SEMA7A: variants seen among roughly 807,000 people sequenced by gnomAD.
The protein encoded by SEMA7A is semaphorin-7A.
A neutral mutation model predicts 67.5 loss-of-function variants in SEMA7A; 21 were observed. The observed-to-expected ratio is 0.31, with a 90% CI of 0.22 to 0.45. The LOEUF (loss-of-function observed/expected upper bound fraction) is 0.45. SEMA7A is among the 20% of genes least tolerant of loss of function. The pLI, the probability that SEMA7A is intolerant of heterozygous loss-of-function variation, is 1.00. For synonymous variants in SEMA7A, 364 were observed against 368.5 expected (o/e 0.99, Z 0.14); for missense variants, 774 against 908.6 (o/e 0.85, Z 1.90).
chr15:74,433,593 A>C (rs1156828611), intron 1 of SEMA7A, 148 bp downstream of exon 1: 1 of 1,262,792 alleles, frequency 7.9e-7, no homozygotes, highest in Non-Finnish European at 9.9e-7. Flanking sequence ...CACTCACCCA[A>C]ACCCACACGC....
chr15:74,415,653 A>T, intron 8 of SEMA7A, 148 bp downstream of exon 8: 1 of 756,078 alleles, frequency 1.3e-6, no homozygotes, highest in Non-Finnish European at 2.1e-6. Flanking sequence ...CTGTCCCCCC[A>T]CCCCACACCC....
chr15:74,418,397 A>C, intron 2 of SEMA7A, 88 bp from the exon 3 acceptor site: 3 of 1,294,502 alleles, frequency 2.3e-6, no homozygotes, highest in Non-Finnish European at 3.3e-6. Context: ...ATAAGCCCCA[A>C]AGGAAGCAAC....
chr15:74,418,769 A>AG (rs762471830), intron 2 of SEMA7A, 32 bp downstream of exon 2: 16 of 1,600,146 alleles, frequency 1.0e-5, no homozygotes, highest in African/African-American at 4.0e-5. Context: ...ATAAGAGGGT[A>AG]GGGGGGGTGT....
At position 74,411,545 on chromosome 15, in the gene SEMA7A, G is replaced by A. The variant is rs55905143; in HGVS notation, c.1577+11C>T. ...CCTTCTCCCAGGGACGAGGGATCCC[G>A]GCCAACGTACCGTTCGGAGCTGTAG... On this transcript the variant is annotated intron_variant, in intron 12 of 13. Transcript: ENST00000261918. The surrounding 1 kb of genome is among the most constrained non-coding windows in gnomAD (Gnocchi z 4.4). 4.3e-5 allele frequency: 66 copies of A among 1,547,944 alleles called. No individual in the cohort carries two copies. Among genetic ancestry groups the A allele is most frequent in the Non-Finnish European group, 4.8e-5 (55 of 1,145,308 alleles).
In SEMA7A at chr15:74,411,468, C is replaced by T; in HGVS notation, c.1577+88G>A. 6.5e-7 allele frequency: 1 copy of T among 1,544,516 alleles called. No homozygotes were observed. Among genetic ancestry groups the T allele is most frequent in the South Asian group, 1.3e-5 (1 of 79,628 alleles). On this transcript the variant is annotated intron_variant, in intron 12 of 13. Coordinates refer to ENST00000261918, the MANE Select transcript of SEMA7A (RefSeq NM_003612.5). This position sits in a 1 kb window ranked among gnomAD's most constrained non-coding sequence, Gnocchi z 4.4. ...AGAGGAGGGTCCCACAAGAAAGGCC[C>T]AGTACCGCCACCTCCTCCAGCCCGA...
At chr15:74,424,532 G>A (rs1038270861) in intron 1 of SEMA7A, among the ~76,000 whole-genome samples, 1 of 152,176 alleles carries the variant, frequency 6.6e-6, no homozygotes, top group Non-Finnish European at 1.5e-5. Context: ...TTACAAACAG[G>A]AAAACTAATG....
At chr15:74,432,185 C>G (rs1355876053) in intron 1 of SEMA7A, among the ~76,000 whole-genome samples, 6 of 152,050 alleles carry the variant, frequency 3.9e-5, no homozygotes, top group African/African-American at 1.5e-4. Flanking sequence ...CCAGAACACT[C>G]AGATGTGGCC....
chr15:74,426,090 T>G (rs2061041522), intron 1 of SEMA7A, among the ~76,000 whole-genome samples: 1 of 152,096 alleles, frequency 6.6e-6, no homozygotes, highest in African/African-American at 2.4e-5. Flanking sequence ...CTGGCCAACA[T>G]GGTGAAACCC....
At chr15:74,431,914 C>T (rs1420887373) in intron 1 of SEMA7A, among the ~76,000 whole-genome samples, 1 of 152,218 alleles carries the variant, frequency 6.6e-6, no homozygotes, top group Admixed American at 6.5e-5. Context: ...GCAGAGGGCA[C>T]AGCCAGTGTG....
In SEMA7A at chr15:74,415,493, G is replaced by A. The variant is rs571739226; in HGVS notation, c.986+308C>T. Among the ~76,000 whole-genome samples, 302 of 152,308 alleles carry A rather than the reference G, an allele frequency of 2.0e-3. 1 individual carries two copies. The highest frequency in any genetic ancestry group is 7.0e-3 in the African/African-American group (289 of 41,570). On this transcript the variant is annotated intron_variant, in intron 8 of 13. Coordinates refer to ENST00000261918, the MANE Select transcript of SEMA7A (RefSeq NM_003612.5). ...ACCCAGCTCCCCGAGAGATGCTTCAGCAGCTTCCTCCTGGGCCCAGTGTCC... is the reference window on the plus strand; with the variant it reads ...ACCCAGCTCCCCGAGAGATGCTTCAACAGCTTCCTCCTGGGCCCAGTGTCC...
chr15:74,417,982 G>A lies in SEMA7A; in HGVS notation c.373-13C>T. On this transcript the variant is annotated splice_polypyrimidine_tract_variant and intron_variant, in intron 3 of 13. Transcript: ENST00000261918. ...AGTTCTCGCAGTCCTGCCCGGGGAAGAGAGAAGGGAGGAGAGAAATTGGTT... is the reference window on the plus strand; with the variant it reads ...AGTTCTCGCAGTCCTGCCCGGGGAAAAGAGAAGGGAGGAGAGAAATTGGTT... 1 of 1,611,922 alleles carries A rather than the reference G, an allele frequency of 6.2e-7. No individual in the cohort carries two copies. Among genetic ancestry groups the A allele is most frequent in the Non-Finnish European group, 8.5e-7 (1 of 1,179,528 alleles).
In SEMA7A at chr15:74,410,680, C is replaced by T. The variant is rs757652732; in HGVS notation, c.1945G>A (p.Ala649Thr). 4.4e-5 allele frequency: 70 copies of T among 1,609,110 alleles called. No individual in the cohort carries two copies. The Admixed American group carries it at 6.2e-4, about 14-fold the overall frequency. The change falls in exon 14 of 14, where the codon GCC becomes ACC. Residue 649 changes from alanine to threonine, a missense_variant. Ala to Thr is a moderately conservative substitution (Grantham distance 58, BLOSUM62 0). Transcript: ENST00000261918. This position sits in a 1 kb window ranked among gnomAD's most constrained non-coding sequence, Gnocchi z 7.5. ...GGCAGCACCCCCAGCCAGAGGGAGG[C>T]GGCCAGGGCACAGGCATGACCCAGC... ...HLLGHACALA[A>T]SLWLGVLPTL... is the part of the protein sequence containing the mutation.
In SEMA7A at chr15:74,415,759, T is replaced by C. The variant is rs1271711992; in HGVS notation, c.986+42A>G. The C allele has an allele frequency of 2.6e-6, 4 of 1,567,046 alleles. No homozygotes were observed. The Admixed American group carries it at 7.5e-5, about 29-fold the overall frequency. On this transcript the variant is annotated intron_variant, in intron 8 of 13. Coordinates refer to ENST00000261918, the MANE Select transcript of SEMA7A (RefSeq NM_003612.5). ...AAGGCCTCCTGTCCCTACTGGACACTGAACCAATGCCAGCCCCGGCCCCAG... is the reference window on the plus strand; with the variant it reads ...AAGGCCTCCTGTCCCTACTGGACACCGAACCAATGCCAGCCCCGGCCCCAG...
chr15:74,419,098 C>A (rs1330352615), intron 1 of SEMA7A, 146 bp from the exon 2 acceptor site: 7 of 911,834 alleles, frequency 7.7e-6, no homozygotes, highest in East Asian at 2.6e-5. Context: ...GGGGTGGTAC[C>A]CAGACTCAGA....
At chr15:74,433,223 G>GCGGGGA (rs1359557024) in intron 1 of SEMA7A, among the ~76,000 whole-genome samples, 1 of 151,218 alleles carries the variant, frequency 6.6e-6, no homozygotes, top group East Asian at 2.0e-4. Context: ...CGGGGCGGGG[G>GCGGGGA]CGGGGGCAGG....
rs1268979903 is a variant in SEMA7A, at chr15:74,414,380, C to A, written c.1294+167G>T. ...GCCCCTACCTCCTCCAGGAAGCTCTCCCTGCCTGACTCTTCCACACCCACA... is the reference window on the plus strand; with the variant it reads ...GCCCCTACCTCCTCCAGGAAGCTCTACCTGCCTGACTCTTCCACACCCACA... On this transcript the variant is annotated intron_variant, in intron 10 of 13. Transcript: ENST00000261918. The surrounding 1 kb of genome is among the most constrained non-coding windows in gnomAD (Gnocchi z 4.1). Among the ~76,000 whole-genome samples, 1 of 152,234 alleles carries A rather than the reference C, an allele frequency of 6.6e-6. No homozygotes were observed. The highest frequency in any genetic ancestry group is 1.9e-4 in the East Asian group (1 of 5,198).
At chr15:74,412,273 G>A (rs539593419) in intron 10 of SEMA7A, among the ~76,000 whole-genome samples, 67 of 152,174 alleles carry the variant, frequency 4.4e-4, no homozygotes, top group Non-Finnish European at 8.2e-4. Context: ...AAGGCTGCAC[G>A]GGAAGAACAG....
At chr15:74,429,866 C>T (rs2061072889) in intron 1 of SEMA7A, among the ~76,000 whole-genome samples, 1 of 152,108 alleles carries the variant, frequency 6.6e-6, no homozygotes, top group Admixed American at 6.5e-5. Flanking sequence ...TGGGGTGCTT[C>T]CTCCTGTTCC....
intron 1 of SEMA7A, among the ~76,000 whole-genome samples, chr15:74,429,322 A>G (rs1289404288): frequency 6.6e-6 from 1 of 152,116 alleles, no homozygotes; most frequent in Non-Finnish European, 1.5e-5. Context: ...TGAGCTTCAC[A>G]TCCCACCTTG....
Sources: allele counts gnomAD v4.1 joint callset (sites outside exome capture counted in the v4.1 genomes callset), GRCh38; gene constraint gnomAD v4.1.1; non-coding constraint Gnocchi (gnomAD v3.1); transcripts MANE v1.5; gene names NCBI Gene and HGNC (gene_info 2026-07-23, HGNC 2026-07-21).